Variants in TRDN observed in about 807,000 individuals in gnomAD.
TRDN encodes the protein triadin in skeletal muscle.
A neutral mutation model predicts 149.7 loss-of-function variants in TRDN; 161 were observed. The ratio of observed to expected loss-of-function variants is 1.08; its 90% CI spans 0.95 to 1.23. The LOEUF (loss-of-function observed/expected upper bound fraction) is 1.23, where lower values mean the gene tolerates loss of function less well. TRDN is among the 50% of genes most tolerant of loss of function. The pLI, the probability that TRDN is intolerant of heterozygous loss-of-function variation, is 0.00. For missense variants in TRDN, 896 were observed against 823.5 expected, an observed-to-expected ratio of 1.09 and a Z score of -1.08; for synonymous variants, 294 against 250.5, an observed-to-expected ratio of 1.17 and a Z score of -1.64.
intron 12 of TRDN, among the ~76,000 whole-genome samples, chr6:123,400,167 G>GTATATATATA (rs374126829): frequency 0.16 from 19,575 of 123,054 alleles, 1,872 homozygotes; most frequent in African/African-American, 0.25. Flanking sequence ...ATATGTATGT[G>GTATATATATA]TATATATATA....
At position 123,551,210 on chromosome 6, in the gene TRDN, A is replaced by G. The variant is rs1295894378; in HGVS notation, c.233-2598T>C. The stretch of plus-strand genomic sequence containing the variant: ...CACTGTATGTATTTTGCAGATATAT[A>G]TATATATATATATTGCCTGGTTCTA... On this transcript the variant is annotated intron_variant, in intron 2 of 40. Transcript: ENST00000334268. 7.7e-5 allele frequency among the ~76,000 whole-genome samples: 3 copies of G among 39,028 alleles called. 1 individual carries two copies. The highest frequency in any genetic ancestry group is 1.8e-4 in the Non-Finnish European group (3 of 17,016). 25.6% of individuals were successfully genotyped at this position (39,028 alleles called of 152,430 possible).
At chr6:123,233,894 T>C (rs1203772591) in intron 38 of TRDN, among the ~76,000 whole-genome samples, 4 of 150,950 alleles carry the variant, frequency 2.6e-5, no homozygotes, top group Non-Finnish European at 1.5e-5. Flanking sequence ...TAACCCATTG[T>C]CATTACATAA....
chr6:123,274,170 G>A (rs977892119), intron 27 of TRDN, among the ~76,000 whole-genome samples: 1 of 152,046 alleles, frequency 6.6e-6, no homozygotes, highest in Non-Finnish European at 1.5e-5. Flanking sequence ...ATGATATGAT[G>A]AAAGTAAAAA....
intron 4 of TRDN, among the ~76,000 whole-genome samples, chr6:123,531,338 CTTAT>C (rs1160268487): frequency 1.3e-5 from 2 of 151,956 alleles, no homozygotes; most frequent in South Asian, 2.1e-4. Flanking sequence ...ATGAGGTTTA[CTTAT>C]TTATTTATCA....
At chr6:123,503,337 G>A (rs1778778338) in intron 8 of TRDN, 1 of 985,162 alleles carries the variant, frequency 1.0e-6, no homozygotes, top group Non-Finnish European at 1.2e-6. Flanking sequence ...AAACTCCTTA[G>A]GAATTGCTGT....
chr6:123,617,124 C>T (rs549623178), intron 1 of TRDN, among the ~76,000 whole-genome samples: 1 of 152,178 alleles, frequency 6.6e-6, no homozygotes, highest in Non-Finnish European at 1.5e-5. Flanking sequence ...ACAGCAGTGT[C>T]AGCTTTCTAT....
At chr6:123,563,596 A>G (rs192147542) in intron 2 of TRDN, among the ~76,000 whole-genome samples, 1 of 152,310 alleles carries the variant, frequency 6.6e-6, no homozygotes. Flanking sequence ...CCAAGCTACG[A>G]TTCAACAGAA....
chr6:123,354,716 T>A (rs1780593205), intron 20 of TRDN, among the ~76,000 whole-genome samples: 1 of 151,628 alleles, frequency 6.6e-6, no homozygotes, highest in Non-Finnish European at 1.5e-5. Flanking sequence ...TTAACATACA[T>A]CTAATTGAAC....
rs376747532 is a variant in TRDN at position 123,217,362 on chromosome 6, T to C, written c.*1239A>G. The C allele has an allele frequency of 4.6e-5, 7 of 151,956 alleles. No individual in the cohort carries two copies. Among genetic ancestry groups the C allele is most frequent in the Non-Finnish European group, 1.0e-4 (7 of 67,938 alleles). 9.4% of individuals were successfully genotyped at this position (151,956 alleles called of 1,614,324 possible). A position where few individuals can be genotyped will look rare whatever the true frequency, so the allele number is the denominator to read the frequency against. ...CAGGCCTTGCTGATGGTAATTACAATGCTAGAAAGGATAACTCAATTTATT... is the reference window on the plus strand; with the variant it reads ...CAGGCCTTGCTGATGGTAATTACAACGCTAGAAAGGATAACTCAATTTATT... On this transcript the variant is annotated 3_prime_UTR_variant, in exon 41 of 41. Coordinates refer to ENST00000334268, the MANE Select transcript of TRDN (RefSeq NM_006073.4).
intron 4 of TRDN, among the ~76,000 whole-genome samples, chr6:123,542,874 G>GTA: frequency 6.6e-6 from 1 of 151,758 alleles, no homozygotes; most frequent in African/African-American, 2.4e-5. Context: ...GTGTGTGTGT[G>GTA]TGTGTGTGTG....
chr6:123,636,738 A>G lies in TRDN; in HGVS notation c.22+16T>C, dbSNP rs1313507715. 1.2e-6 allele frequency: 2 copies of G among 1,611,058 alleles called. No homozygotes were observed. Among genetic ancestry groups the G allele is most frequent in the East Asian group, 4.5e-5 (2 of 44,730 alleles). The stretch of plus-strand genomic sequence containing the variant: ...TTTTTTCCTTACTTGATACTATCGG[A>G]AAATGGTAGCAATACCTTCAGCAGT... On this transcript the variant is annotated intron_variant, in intron 1 of 40. Transcript: ENST00000334268.
chr6:123,349,954 G>A, intron 21 of TRDN: 1 of 985,294 alleles, frequency 1.0e-6, no homozygotes, highest in East Asian at 1.1e-4. Flanking sequence ...TTACAGAATA[G>A]CATCAAAAGC....
intron 1 of TRDN, 57 bp from the exon 2 acceptor site, chr6:123,571,189 G>A: frequency 6.4e-7 from 1 of 1,567,518 alleles, no homozygotes; most frequent in South Asian, 1.1e-5. Flanking sequence ...AAATATTGAT[G>A]ATGAGAAACA....
intron 24 of TRDN, among the ~76,000 whole-genome samples, chr6:123,288,945 T>C (rs1261127861): frequency 1.3e-5 from 2 of 151,620 alleles, no homozygotes; most frequent in Non-Finnish European, 2.9e-5. Flanking sequence ...CCCATGTTCA[T>C]TTCAGCATTA....
intron 21 of TRDN, chr6:123,352,196 G>T: frequency 1.0e-6 from 1 of 983,598 alleles, no homozygotes; most frequent in Non-Finnish European, 1.2e-6. Context: ...ATTATAATCA[G>T]TAAGGTGGTG....
chr6:123,581,499 G>T (rs1012961346), intron 1 of TRDN, among the ~76,000 whole-genome samples: 1 of 152,178 alleles, frequency 6.6e-6, no homozygotes. Context: ...TATTAGAAGT[G>T]TTGCTACAGG....
chr6:123,274,619 T>C (rs1006110555), intron 27 of TRDN, 22 bp downstream of exon 27: 21 of 1,598,920 alleles, frequency 1.3e-5, no homozygotes, highest in South Asian at 2.2e-5. Context: ...TCTGAATCTA[T>C]ATAAAATAAA....
chr6:123,626,714 TC>T (rs893941601), intron 1 of TRDN, among the ~76,000 whole-genome samples: 2 of 151,674 alleles, frequency 1.3e-5, no homozygotes, highest in African/African-American at 4.8e-5. Flanking sequence ...ATTGTTCAAT[TC>T]CCCATGTACC....
In TRDN at chr6:123,571,061, G is replaced by T. The variant is rs755548582; in HGVS notation, c.94C>A (p.Leu32Met). ...ATGTCTTCTGTGACTGTCCTCTTCA[G>T]CACTTTTCCGGGGGATTTGGGCACA... ...GSVPKSPGKV[L>M]KRTVTEDIVT... Residue 32 changes from leucine to methionine, a missense_variant, in exon 2 of 41, where the codon CTG (leucine) becomes ATG (methionine). Transcript: ENST00000334268. The T allele has an allele frequency of 6.2e-7, 1 of 1,613,940 alleles. No homozygotes were observed. Among genetic ancestry groups the T allele is most frequent in the Non-Finnish European group, 8.5e-7 (1 of 1,179,866 alleles).
Sources: gnomAD v4.1 joint callset for allele counts (sites outside exome capture counted in the v4.1 genomes callset) on GRCh38, gnomAD v4.1.1 for gene constraint, MANE v1.5 for transcripts, NCBI Gene and HGNC (gene_info 2026-07-23, HGNC 2026-07-21) for gene names.